RHPN2: variants seen among roughly 807,000 people sequenced by gnomAD.
RHPN2 encodes rhophilin-2.
A neutral mutation model predicts 79.0 loss-of-function variants in RHPN2; 40 were observed. The ratio of observed to expected loss-of-function variants is 0.51; its 90% CI spans 0.39 to 0.66. The LOEUF (loss-of-function observed/expected upper bound fraction) is 0.66. Among genes scored for constraint, RHPN2 ranks in the 30% least tolerant of loss-of-function variants. RHPN2 has a pLI of 0.00. For synonymous variants in RHPN2, 285 were observed against 363.5 expected (o/e 0.78, Z 2.46); for missense variants, 686 against 883.5 (o/e 0.78, Z 2.83).
At chr19:33,013,742 C>T (rs150045606) in intron 4 of RHPN2, among the ~76,000 whole-genome samples, 5 of 152,192 alleles carry the variant, frequency 3.3e-5, no homozygotes, top group Non-Finnish European at 7.4e-5. Context: ...TCCCTCAGGA[C>T]CCGGACAAGT....
At chr19:33,030,964 T>C (rs1972005923) in intron 2 of RHPN2, among the ~76,000 whole-genome samples, 1 of 152,076 alleles carries the variant, frequency 6.6e-6, no homozygotes, top group Middle Eastern at 3.2e-3. Context: ...CAATCAAAGG[T>C]TCCCACTGCC....
intron 14 of RHPN2, among the ~76,000 whole-genome samples, chr19:32,987,175 G>A (rs1415248546): frequency 6.6e-6 from 1 of 152,088 alleles, no homozygotes; most frequent in African/African-American, 2.4e-5. Flanking sequence ...AGCATGCCAA[G>A]ACACCAGTGA....
At chr19:33,012,029 GT>G (rs1181936158) in intron 5 of RHPN2, among the ~76,000 whole-genome samples, 1 of 145,548 alleles carries the variant, frequency 6.9e-6, no homozygotes, top group Non-Finnish European at 1.5e-5. Flanking sequence ...CCCTTCTATG[GT>G]TTTCCTTCTT....
chr19:32,998,770 CAACAAGG>C (rs1256557304), intron 10 of RHPN2, among the ~76,000 whole-genome samples: 1 of 122,396 alleles, frequency 8.2e-6, no homozygotes, highest in Non-Finnish European at 1.6e-5. Context: ...AAAAGGAAAG[CAACAAGG>C]AACAAGGAAA....
At chr19:33,035,937 A>C (rs551539942) in intron 2 of RHPN2, among the ~76,000 whole-genome samples, 181 of 152,186 alleles carry the variant, frequency 1.2e-3, no homozygotes, top group African/African-American at 4.2e-3. Flanking sequence ...TAACACGGTG[A>C]AAACCTATCT....
chr19:33,011,494 C>T lies in RHPN2; in HGVS notation c.593+185G>A, dbSNP rs568403370. 7.9e-5 allele frequency among the ~76,000 whole-genome samples: 12 copies of T among 152,288 alleles called. 1 individual carries two copies. The South Asian group carries it at 1.7e-3, about 21-fold the overall frequency. On this transcript the variant is annotated intron_variant, in intron 6 of 14. Coordinates refer to ENST00000254260, the MANE Select transcript of RHPN2 (RefSeq NM_033103.5). ...ACAGTCTGTTGGAGCCATCTCCCCT[C>T]GGATCACCTTCATAAATAAATACCA...
intron 7 of RHPN2, among the ~76,000 whole-genome samples, chr19:33,006,262 T>A (rs1157247018): frequency 6.6e-6 from 1 of 152,048 alleles, no homozygotes; most frequent in Non-Finnish European, 1.5e-5. Flanking sequence ...AGTGGTGCAA[T>A]CATAGCTCAC....
intron 3 of RHPN2, among the ~76,000 whole-genome samples, chr19:33,026,260 A>G (rs1290100382): frequency 6.6e-6 from 1 of 151,854 alleles, no homozygotes; most frequent in Non-Finnish European, 1.5e-5. Context: ...TACGGGAGTG[A>G]GCCACCGTGC....
intron 1 of RHPN2, 29 bp downstream of exon 1, chr19:33,064,755 T>TGGGGGCCCCCC: frequency 7.0e-7 from 1 of 1,427,948 alleles, no homozygotes; most frequent in Non-Finnish European, 9.4e-7. Context: ...AGCCCGCAGG[T>TGGGGGCCCCCC]CCCCGCCCGC....
At chr19:33,006,092 C>G (rs1971788861) in intron 7 of RHPN2, among the ~76,000 whole-genome samples, 1 of 151,968 alleles carries the variant, frequency 6.6e-6, no homozygotes, top group Non-Finnish European at 1.5e-5. Context: ...GTTGCCCAGA[C>G]TGATCTCAAA....
chr19:33,018,916 A>G (rs1014963331), intron 4 of RHPN2, among the ~76,000 whole-genome samples: 3 of 151,472 alleles, frequency 2.0e-5, no homozygotes, highest in African/African-American at 7.3e-5. Context: ...CTGTAATCCC[A>G]CCTACTCAGG....
chr19:32,984,659 C>CAAAA (rs553211620), intron 14 of RHPN2, among the ~76,000 whole-genome samples: 1 of 147,628 alleles, frequency 6.8e-6, no homozygotes, highest in African/African-American at 2.5e-5. Context: ...ACTCTGTCTC[C>CAAAA]AAAAAAAAAG....
chr19:32,990,165 G>GAAAGAAAGAAAGAAAGAA (rs373722067), intron 14 of RHPN2, among the ~76,000 whole-genome samples: 1 of 149,630 alleles, frequency 6.7e-6, no homozygotes, highest in Admixed American at 6.7e-5. Context: ...AAGAAAGAAA[G>GAAAGAAAGAAAGAAAGAA]AGCGAGCCAG....
chr19:33,012,896 T>C (rs1352211456), intron 4 of RHPN2, among the ~76,000 whole-genome samples, 172 bp from the exon 5 acceptor site: 2 of 152,220 alleles, frequency 1.3e-5, no homozygotes, highest in Non-Finnish European at 2.9e-5. Context: ...TTTTTTTTAA[T>C]ACGGAGTCTC....
At chr19:33,014,766 A>T (rs1343666454) in intron 4 of RHPN2, among the ~76,000 whole-genome samples, 5 of 152,048 alleles carry the variant, frequency 3.3e-5, no homozygotes, top group Non-Finnish European at 5.9e-5. Flanking sequence ...TTAAAAATTT[A>T]AAAAATAAAA....
chr19:33,048,586 C>T (rs1031128411), intron 1 of RHPN2, among the ~76,000 whole-genome samples: 2 of 150,862 alleles, frequency 1.3e-5, no homozygotes, highest in East Asian at 2.0e-4. Context: ...ATTAGCTGGG[C>T]GTAGTGGCAT....
intron 5 of RHPN2, 110 bp downstream of exon 5, chr19:33,012,537 A>G (rs1346633134): frequency 3.8e-6 from 3 of 796,688 alleles, no homozygotes; most frequent in South Asian, 2.7e-5. Context: ...CCCCCCAACC[A>G]TCACCTCTAT....
At chr19:33,043,632 T>A (rs73583835) in intron 2 of RHPN2, among the ~76,000 whole-genome samples, 4,137 of 152,324 alleles carry the variant, frequency 0.027, 186 homozygotes, top group African/African-American at 0.094. Flanking sequence ...CTGCACTCTT[T>A]GTAAACAGAG....
At chr19:33,035,854 C>A (rs895826041) in intron 2 of RHPN2, among the ~76,000 whole-genome samples, 3 of 152,150 alleles carry the variant, frequency 2.0e-5, no homozygotes, top group African/African-American at 7.2e-5. Flanking sequence ...CCATGGCTCA[C>A]GCCTATAATC....
Sources: allele counts gnomAD v4.1 joint callset (sites outside exome capture counted in the v4.1 genomes callset), GRCh38; gene constraint gnomAD v4.1.1; transcripts MANE v1.5; gene names NCBI Gene and HGNC (gene_info 2026-07-23, HGNC 2026-07-21).